The following GMDS variants were observed in gnomAD, a reference collection of about 807,000 sequenced individuals.
GMDS encodes GDP-mannose 4,6-dehydratase, also known as GDP-mannose 4,6 dehydratase.
A neutral mutation model predicts 49.9 loss-of-function variants in GMDS; 20 were observed. The observed-to-expected ratio is 0.40, with a 90% CI of 0.28 to 0.58. GMDS has a LOEUF of 0.58. GMDS is among the 20% of genes least tolerant of loss of function. The pLI, the probability that GMDS is intolerant of heterozygous loss-of-function variation, is 0.42. For missense variants in GMDS, 362 were observed against 481.4 expected, an observed-to-expected ratio of 0.75 and a Z score of 2.32; for synonymous variants, 177 against 178.6, an observed-to-expected ratio of 0.99 and a Z score of 0.07.
chr6:2,046,933 A>T (rs1306392288), intron 4 of GMDS, among the ~76,000 whole-genome samples: 1 of 152,218 alleles, frequency 6.6e-6, no homozygotes, highest in Non-Finnish European at 1.5e-5. Context: ...CCCCAACTCC[A>T]TCATAATCCT....
At chr6:2,161,018 CT>C (rs940429195) in intron 1 of GMDS, among the ~76,000 whole-genome samples, 21 of 148,942 alleles carry the variant, frequency 1.4e-4, no homozygotes, top group South Asian at 2.1e-4. Flanking sequence ...TATATGTTAA[CT>C]TTTTTTTTTT....
chr6:2,220,523 G>C (rs942381065), intron 1 of GMDS, among the ~76,000 whole-genome samples: 3 of 152,144 alleles, frequency 2.0e-5, no homozygotes, highest in Non-Finnish European at 2.9e-5. Flanking sequence ...AGAAGGATGG[G>C]GATGCCAGAC....
At chr6:2,159,108 C>G (rs761731581) in intron 1 of GMDS, among the ~76,000 whole-genome samples, 21 of 152,170 alleles carry the variant, frequency 1.4e-4, no homozygotes, top group Non-Finnish European at 2.6e-4. Flanking sequence ...GTGTTTCTAT[C>G]ACATGTTAAG....
chr6:2,035,263 C>T (rs1204968343), intron 4 of GMDS, among the ~76,000 whole-genome samples: 1 of 152,102 alleles, frequency 6.6e-6, no homozygotes, highest in Non-Finnish European at 1.5e-5. Context: ...AACTGTTCTC[C>T]CCTCATGTGC....
chr6:1,982,366 T>C (rs1765269461), intron 4 of GMDS, among the ~76,000 whole-genome samples: 1 of 152,182 alleles, frequency 6.6e-6, no homozygotes, highest in South Asian at 2.1e-4. Flanking sequence ...TCAACATATA[T>C]TGGAAGTTCT....
At chr6:2,174,013 A>G (rs1778147530) in intron 1 of GMDS, among the ~76,000 whole-genome samples, 1 of 152,182 alleles carries the variant, frequency 6.6e-6, no homozygotes, top group Admixed American at 6.5e-5. Context: ...CTCGATCCCA[A>G]TACATTATAA....
intron 7 of GMDS, among the ~76,000 whole-genome samples, chr6:1,816,554 A>T (rs1770679177): frequency 6.6e-6 from 1 of 152,226 alleles, no homozygotes; most frequent in Non-Finnish European, 1.5e-5. Context: ...TATGGAAGAC[A>T]GTACTGGGAA....
intron 4 of GMDS, among the ~76,000 whole-genome samples, chr6:1,989,119 G>A (rs1270471885): frequency 6.6e-6 from 1 of 152,230 alleles, no homozygotes. Context: ...AACTGGCATA[G>A]TGGAAGGTCA....
chr6:1,977,751 C>T (rs1054213175), intron 4 of GMDS, among the ~76,000 whole-genome samples: 4 of 152,154 alleles, frequency 2.6e-5, no homozygotes, highest in Non-Finnish European at 5.9e-5. Context: ...CTTTGCAACC[C>T]ACGGATCAGG....
At chr6:2,165,266 T>C (rs1777605957) in intron 1 of GMDS, among the ~76,000 whole-genome samples, 1 of 152,176 alleles carries the variant, frequency 6.6e-6, no homozygotes. Context: ...AGAGAGAAAC[T>C]GGCAATCCCA....
intron 9 of GMDS, among the ~76,000 whole-genome samples, chr6:1,629,947 T>G (rs1391634390): frequency 6.6e-6 from 1 of 152,190 alleles, no homozygotes; most frequent in Non-Finnish European, 1.5e-5. Context: ...GAGAACGTGG[T>G]CTTCATTATA....
intron 4 of GMDS, among the ~76,000 whole-genome samples, chr6:2,073,494 G>A (rs766103682): frequency 6.6e-6 from 1 of 152,114 alleles, no homozygotes. Flanking sequence ...TCATTTCTAT[G>A]TGTTGGGAAC....
chr6:1,772,414 T>C (rs1451374264), intron 7 of GMDS, among the ~76,000 whole-genome samples: 3 of 152,122 alleles, frequency 2.0e-5, no homozygotes, highest in Non-Finnish European at 2.9e-5. Flanking sequence ...AATCTGCACA[T>C]AAAGAGAAAA....
At chr6:2,020,667 G>A (rs988146263) in intron 4 of GMDS, among the ~76,000 whole-genome samples, 4 of 151,942 alleles carry the variant, frequency 2.6e-5, no homozygotes, top group African/African-American at 9.7e-5. Flanking sequence ...AAAAAAAAAT[G>A]CTTACTGAAA....
intron 8 of GMDS, among the ~76,000 whole-genome samples, chr6:1,733,295 T>C (rs1225493918): frequency 3.3e-5 from 5 of 152,104 alleles, no homozygotes; most frequent in Non-Finnish European, 5.9e-5. Flanking sequence ...TGCCAAACTG[T>C]GATGATGGGC....
intron 1 of GMDS, among the ~76,000 whole-genome samples, chr6:2,224,529 A>T (rs1174632558): frequency 2.6e-5 from 4 of 152,268 alleles, no homozygotes. Flanking sequence ...CATATATTCT[A>T]AAGAGTGCAC....
At chr6:1,786,910 G>A (rs1209186822) in intron 7 of GMDS, among the ~76,000 whole-genome samples, 1 of 152,036 alleles carries the variant, frequency 6.6e-6, no homozygotes, top group African/African-American at 2.4e-5. Flanking sequence ...TGAGTGAGCT[G>A]ACTGCAGGAT....
intron 1 of GMDS, among the ~76,000 whole-genome samples, chr6:2,130,358 T>A (rs974265234): frequency 1.3e-5 from 2 of 152,196 alleles, no homozygotes; most frequent in African/African-American, 4.8e-5. Context: ...TTCCCTTCCT[T>A]TGATTTACCT....
intron 1 of GMDS, among the ~76,000 whole-genome samples, chr6:2,180,427 CT>C (rs1778468411): frequency 6.6e-6 from 1 of 152,134 alleles, no homozygotes; most frequent in African/African-American, 2.4e-5. Context: ...ATCTTTTCAT[CT>C]TTTGAATGTA....
Sources: gnomAD v4.1 joint callset for allele counts (sites outside exome capture counted in the v4.1 genomes callset) on GRCh38, gnomAD v4.1.1 for gene constraint, MANE v1.5 for transcripts, NCBI Gene and HGNC (gene_info 2026-07-23, HGNC 2026-07-21) for gene names.